GSDME: variants seen among roughly 807,000 people sequenced by gnomAD.
GSDME encodes the protein gasdermin-E.
In GSDME, 44 loss-of-function variants were observed where a neutral mutation model predicts 47.5. The ratio of observed to expected loss-of-function variants is 0.93; its 90% CI spans 0.73 to 1.19. The LOEUF (loss-of-function observed/expected upper bound fraction) is 1.19. Ranked by LOEUF, GSDME falls within the 50% of genes most tolerant of loss-of-function variation. GSDME has a pLI of 0.00. For missense variants in GSDME, 663 were observed against 604.2 expected, an observed-to-expected ratio of 1.10 and a Z score of -1.02; for synonymous variants, 258 against 252.8, an observed-to-expected ratio of 1.02 and a Z score of -0.20.
chr7:24,764,146 T>G, the GSDME span, among the ~76,000 whole-genome samples: 61 of 152,316 alleles, frequency 4.0e-4, no homozygotes, highest in Non-Finnish European at 2.9e-5. This position sits in a 1 kb window ranked among gnomAD's most constrained non-coding sequence, Gnocchi z 4.4. Flanking sequence ...ACACTTGTTG[T>G]TTGGTAAGGT....
In GSDME at chr7:24,710,271, G is replaced by C. The variant is rs771163879; in HGVS notation, c.815C>G (p.Ala272Gly). ...TCCATCCTGGGAAGATATCCCATGC[G>C]CAGCATCTGGCATGTCTATGAATGC... Reference protein sequence around the residue: ...EFAFIDMPDAAHGISSQDGPL... With the variant: ...EFAFIDMPDAGHGISSQDGPL... Residue 272 changes from alanine to glycine, a missense_variant, in exon 6 of 10, where the codon GCG becomes GGG. Transcript: ENST00000645220. 12 of 1,614,060 alleles carry C rather than the reference G, an allele frequency of 7.4e-6. No homozygotes were observed. The highest frequency in any genetic ancestry group is 1.0e-5 in the Non-Finnish European group (12 of 1,180,042).
chr7:24,766,850 C>A, the GSDME span, among the ~76,000 whole-genome samples: 1 of 152,318 alleles, frequency 6.6e-6, no homozygotes. This position sits in a 1 kb window ranked among gnomAD's most constrained non-coding sequence, Gnocchi z 4.2. Context: ...AATGGTATTT[C>A]TAGTTCTAGA....
intron 9 of GSDME, chr7:24,702,446 T>TAA: frequency 2.7e-6 from 1 of 364,032 alleles, no homozygotes; most frequent in East Asian, 7.1e-5. Context: ...GCCCCTTTAT[T>TAA]GTAATGTAAC....
chr7:24,780,025 C>T, the GSDME span, among the ~76,000 whole-genome samples: 1 of 152,234 alleles, frequency 6.6e-6, no homozygotes, highest in African/African-American at 2.4e-5. The surrounding 1 kb of genome is among the most constrained non-coding windows in gnomAD (Gnocchi z 4.1). Flanking sequence ...GGGGCTCCGC[C>T]CTGCTTCAAG....
intron 1 of GSDME, among the ~76,000 whole-genome samples, chr7:24,752,287 T>C (rs1431293392): frequency 1.3e-5 from 2 of 152,194 alleles, no homozygotes; most frequent in East Asian, 3.9e-4. Flanking sequence ...GAATGCAGCA[T>C]TCCAGAGTGG....
At chr7:24,717,425 G>A (rs1410877651) in intron 4 of GSDME, 51 bp from the exon 5 acceptor site, 2 of 1,613,326 alleles carry the variant, frequency 1.2e-6, no homozygotes, top group Non-Finnish European at 1.7e-6. Context: ...TCTCCAAGCT[G>A]CTCTGTTCCC....
chr7:24,767,268 G>A, the GSDME span, among the ~76,000 whole-genome samples: 6 of 152,162 alleles, frequency 3.9e-5, no homozygotes, highest in Non-Finnish European at 8.8e-5. The surrounding 1 kb of genome is among the most constrained non-coding windows in gnomAD (Gnocchi z 5.3). Flanking sequence ...AGGTTGCAGT[G>A]AGCCAAGATT....
rs1790604532 is a variant in GSDME, at chr7:24,744,913, C to A, written c.212-159G>T. Among the ~76,000 whole-genome samples the A allele has an allele frequency of 7.7e-6, 1 of 129,496 alleles. No homozygotes were observed. The highest frequency in any genetic ancestry group is 3.0e-5 in the African/African-American group (1 of 32,880). 85.0% of individuals were successfully genotyped at this position (129,496 alleles called of 152,430 possible). ...CATGCTGTGTGTGTGGGCAAGAAAA[C>A]AGGGCAGCACGTGTGTGTGTGTGTG... On this transcript the variant is annotated intron_variant, in intron 2 of 9. Transcript: ENST00000645220. The surrounding 1 kb of genome is among the most constrained non-coding windows in gnomAD (Gnocchi z 4.5).
At position 24,736,240 on chromosome 7, in the gene GSDME, A is replaced by G; in HGVS notation, c.404+8322T>C. Among the ~76,000 whole-genome samples the G allele has an allele frequency of 6.6e-6, 1 of 152,312 alleles. No homozygotes were observed. Among genetic ancestry groups the G allele is most frequent in the South Asian group, 2.1e-4 (1 of 4,828 alleles). ...CATACACTGGCTAAATGGATTAAAAACAACAAAAAAAGACCAAATGATCTG... is the reference window on the plus strand; with the variant it reads ...CATACACTGGCTAAATGGATTAAAAGCAACAAAAAAAGACCAAATGATCTG... On this transcript the variant is annotated intron_variant, in intron 3 of 9. Coordinates refer to ENST00000645220, the MANE Select transcript of GSDME (RefSeq NM_001127453.2). This position sits in a 1 kb window ranked among gnomAD's most constrained non-coding sequence, Gnocchi z 4.6.
intron 9 of GSDME, among the ~76,000 whole-genome samples, chr7:24,701,487 A>C (rs890286186): frequency 1.3e-5 from 2 of 151,950 alleles, no homozygotes; most frequent in East Asian, 1.9e-4. Context: ...TAACAGTTAG[A>C]TAACATGGGC....
intron 4 of GSDME, among the ~76,000 whole-genome samples, chr7:24,717,760 CCTAG>C (rs147046660): frequency 0.038 from 5,832 of 152,270 alleles, 152 homozygotes; most frequent in Non-Finnish European, 0.057. Context: ...ACTGGGAGAA[CCTAG>C]CTGAGAGGGC....
At chr7:24,791,727 G>A in the GSDME span, among the ~76,000 whole-genome samples, 1 of 152,092 alleles carries the variant, frequency 6.6e-6, no homozygotes. The surrounding 1 kb of genome is among the most constrained non-coding windows in gnomAD (Gnocchi z 4.8). Flanking sequence ...CCAGTTATTC[G>A]GCAGAGTGTC....
chr7:24,709,028 T>C (rs759597418), intron 6 of GSDME, among the ~76,000 whole-genome samples: 1 of 152,244 alleles, frequency 6.6e-6, no homozygotes, highest in Non-Finnish European at 1.5e-5. Context: ...AATACATCAA[T>C]GTACCACCCA....
chr7:24,723,552 G>A (rs903973354), intron 3 of GSDME, among the ~76,000 whole-genome samples: 1 of 152,190 alleles, frequency 6.6e-6, no homozygotes, highest in Non-Finnish European at 1.5e-5. Context: ...TTCTTCAACT[G>A]CTAATAGAGT....
At chr7:24,729,414 C>T (rs961970425) in intron 3 of GSDME, among the ~76,000 whole-genome samples, 14 of 152,240 alleles carry the variant, frequency 9.2e-5, no homozygotes, top group African/African-American at 2.7e-4. Flanking sequence ...AAAGGCACTG[C>T]GCCAGACCCC....
At position 24,733,649 on chromosome 7, in the gene GSDME, T is replaced by C. The variant is rs1790213343; in HGVS notation, c.404+10913A>G. Among the ~76,000 whole-genome samples, 1 of 152,126 alleles carries C rather than the reference T, an allele frequency of 6.6e-6. No homozygotes were observed. Among genetic ancestry groups the C allele is most frequent in the Non-Finnish European group, 1.5e-5 (1 of 68,008 alleles). On this transcript the variant is annotated intron_variant, in intron 3 of 9. Transcript: ENST00000645220. The surrounding 1 kb of genome is among the most constrained non-coding windows in gnomAD (Gnocchi z 4.3). ...ATGGGTGGTGGCCTGGCAGTGCTCC[T>C]TGTGGGCCTGTAGTGCTGGTGGACA...
chr7:24,712,538 C>T lies in GSDME; in HGVS notation c.698-2150G>A, dbSNP rs1789394965. On this transcript the variant is annotated intron_variant, in intron 5 of 9. Transcript: ENST00000645220. This position sits in a 1 kb window ranked among gnomAD's most constrained non-coding sequence, Gnocchi z 4.4. ...TGTAAATCTTTAAAATTCCCTATAC[C>T]AGGCCCCGTGCTCACAGCCACAGAT... Among the ~76,000 whole-genome samples the T allele has an allele frequency of 6.6e-6, 1 of 152,198 alleles. No homozygotes were observed. The highest frequency in any genetic ancestry group is 6.5e-5 in the Admixed American group (1 of 15,282).
chr7:24,775,874 CAAAAAA>C, the GSDME span, among the ~76,000 whole-genome samples: 6 of 31,394 alleles, frequency 1.9e-4, no homozygotes, highest in Non-Finnish European at 3.2e-4. Context: ...GATTCCATCT[CAAAAAA>C]AAAAAAAAAA....
In GSDME at chr7:24,711,466, C is replaced by G. The variant is rs113913311; in HGVS notation, c.698-1078G>C. On this transcript the variant is annotated intron_variant, in intron 5 of 9. Transcript: ENST00000645220. ...CCTCAAGTTGATCCACCTACCTCAG[C>G]CTCCCAAAGTGCTGGGATTACAGGT... Among the ~76,000 whole-genome samples the G allele has an allele frequency of 1.6e-3, 251 of 152,204 alleles. 2 individuals are homozygous for G. The highest frequency in any genetic ancestry group is 3.0e-3 in the Non-Finnish European group (201 of 68,006).
Sources: allele counts gnomAD v4.1 joint callset (sites outside exome capture counted in the v4.1 genomes callset), GRCh38; gene constraint gnomAD v4.1.1; non-coding constraint Gnocchi (gnomAD v3.1); transcripts MANE v1.5; gene names NCBI Gene and HGNC (gene_info 2026-07-23, HGNC 2026-07-21).